WLS: variants seen among roughly 807,000 people sequenced by gnomAD.
WLS encodes the protein Wnt ligand secretion mediator, also known as protein wntless homolog.
A neutral mutation model predicts 62.8 loss-of-function variants in WLS; 23 were observed. The observed-to-expected ratio is 0.37, with a 90% CI of 0.26 to 0.52. WLS has a LOEUF of 0.52. Ranked by LOEUF, WLS falls within the 20% of genes least tolerant of loss-of-function variation. The pLI is 0.92. For synonymous variants in WLS, 246 were observed against 244.1 expected, an observed-to-expected ratio of 1.01 and a Z score of -0.07; for missense variants, 615 against 697.3, an observed-to-expected ratio of 0.88 and a Z score of 1.33.
At chr1:68,211,656 G>A (rs1426795538) in intron 1 of WLS, among the ~76,000 whole-genome samples, 1 of 152,198 alleles carries the variant, frequency 6.6e-6, no homozygotes, top group Admixed American at 6.5e-5. Flanking sequence ...AGTGCAAAGT[G>A]ACTGAATCCT....
chr1:68,114,901 C>T (rs770612454), intron 11 of WLS, among the ~76,000 whole-genome samples: 68 of 152,282 alleles, frequency 4.5e-4, no homozygotes, highest in Middle Eastern at 6.8e-3. Flanking sequence ...GCTGGAGTGA[C>T]CTCAGTGGTA....
intron 2 of WLS, among the ~76,000 whole-genome samples, chr1:68,191,573 G>A (rs867392915): frequency 2.0e-5 from 3 of 152,046 alleles, no homozygotes; most frequent in Non-Finnish European, 4.4e-5. Flanking sequence ...TCCCTAACCC[G>A]TTACAAGAAT....
chr1:68,123,753 T>TAA (rs1646391195), downstream of WLS, among the ~76,000 whole-genome samples: 1 of 152,148 alleles, frequency 6.6e-6, no homozygotes, highest in African/African-American at 2.4e-5. Flanking sequence ...GCCACCTGCC[T>TAA]AAGACTCCTG....
At chr1:68,206,941 C>G (rs4655787) in intron 1 of WLS, among the ~76,000 whole-genome samples, 1 of 151,932 alleles carries the variant, frequency 6.6e-6, no homozygotes, top group Non-Finnish European at 1.5e-5. Context: ...CCCTCCTCCC[C>G]CTCCTTGTCC....
At chr1:68,184,011 C>T (rs1302513165) in intron 2 of WLS, among the ~76,000 whole-genome samples, 5 of 152,116 alleles carry the variant, frequency 3.3e-5, no homozygotes, top group East Asian at 1.9e-4. Context: ...GCTTTCATTA[C>T]GTAAGAATAG....
At chr1:68,148,480 C>T (rs1264537117) in intron 7 of WLS, 83 bp downstream of exon 7, 1 of 1,442,930 alleles carries the variant, frequency 6.9e-7, no homozygotes, top group Non-Finnish European at 9.6e-7. Context: ...CACCATTCTC[C>T]TTTTCAAACA....
chr1:68,224,779 G>A (rs71649061), intron 1 of WLS, among the ~76,000 whole-genome samples: 5,202 of 152,076 alleles, frequency 0.034, 111 homozygotes, highest in Non-Finnish European at 0.041. Context: ...CGAAAAGGTG[G>A]GGGGGATTGA....
At chr1:68,224,586 T>C (rs992407869) in intron 1 of WLS, among the ~76,000 whole-genome samples, 2 of 152,230 alleles carry the variant, frequency 1.3e-5, no homozygotes, top group Admixed American at 1.3e-4. Flanking sequence ...TGTTGGCATG[T>C]AATTTCTGAG....
At chr1:68,183,252 C>T (rs865999696) in intron 2 of WLS, among the ~76,000 whole-genome samples, 1 of 151,966 alleles carries the variant, frequency 6.6e-6, no homozygotes, top group Non-Finnish European at 1.5e-5. Flanking sequence ...AAGACATGGT[C>T]GTAAATGAAA....
At chr1:68,137,996 A>G (rs1050016932) in intron 10 of WLS, 63 bp from the exon 11 acceptor site, 7 of 1,591,136 alleles carry the variant, frequency 4.4e-6, no homozygotes, top group Non-Finnish European at 6.0e-6. Context: ...ACATAACACC[A>G]ATAAAGGAAC....
intron 10 of WLS, among the ~76,000 whole-genome samples, chr1:68,140,096 T>C (rs1281531616): frequency 2.0e-5 from 3 of 152,214 alleles, no homozygotes; most frequent in Non-Finnish European, 4.4e-5. Context: ...ACTAAATCCT[T>C]TTACATGAAA....
chr1:68,147,496 A>T (rs1393667731), intron 8 of WLS, among the ~76,000 whole-genome samples: 1 of 152,194 alleles, frequency 6.6e-6, no homozygotes, highest in Non-Finnish European at 1.5e-5. Context: ...TCCACTCCAG[A>T]GCAGAGTCTT....
At position 68,106,671 on chromosome 1, in the gene WLS, C is replaced by T. The variant is rs1261168223; in HGVS notation, c.1511-7918G>A. On this transcript the variant is annotated intron_variant, in intron 11 of 11. Coordinates refer to the WLS transcript ENST00000354777. ...TGCATAGACAGACTGCTTCCCACTTCCCCACCCAAGGGGCACCTGGAAACG... is the reference window on the plus strand; with the variant it reads ...TGCATAGACAGACTGCTTCCCACTTTCCCACCCAAGGGGCACCTGGAAACG... 3.3e-5 allele frequency among the ~76,000 whole-genome samples: 5 copies of T among 152,124 alleles called. 1 individual carries two copies. Among genetic ancestry groups the T allele is most frequent in the Admixed American group, 3.3e-4 (5 of 15,286 alleles).
chr1:68,122,458 AC>A (rs1646375264), downstream of WLS, among the ~76,000 whole-genome samples: 1 of 152,252 alleles, frequency 6.6e-6, no homozygotes, highest in South Asian at 2.1e-4. Context: ...TAGGAACAAT[AC>A]ATAGTGAAAA....
chr1:68,114,845 G>C lies in WLS; in HGVS notation c.1511-16092C>G, dbSNP rs58002400. Among the ~76,000 whole-genome samples, 1,160 of 152,224 alleles carry C rather than the reference G, an allele frequency of 7.6e-3. 14 individuals carry two copies. Among genetic ancestry groups the C allele is most frequent in the African/African-American group, 0.027 (1,117 of 41,454 alleles). On this transcript the variant is annotated intron_variant, in intron 11 of 11. Coordinates refer to the WLS transcript ENST00000354777. ...AAAGCAAGAACAGAGAACCCCCTCTGGGGGTGCCACTTAGGTGTGAAGCAG... is the reference window on the plus strand; with the variant it reads ...AAAGCAAGAACAGAGAACCCCCTCTCGGGGTGCCACTTAGGTGTGAAGCAG...
chr1:68,201,884 C>G (rs114848618), intron 1 of WLS: 3 of 152,166 alleles, frequency 2.0e-5, no homozygotes, highest in Admixed American at 2.0e-4. Context: ...GACATTTTGA[C>G]AGCAATTTTC....
At chr1:68,231,663 C>G (rs1245138778) in intron 1 of WLS, 1 of 450,108 alleles carries the variant, frequency 2.2e-6, no homozygotes, top group African/African-American at 2.0e-5. Flanking sequence ...AAATTGCAAA[C>G]CCTCAGCCCC....
chr1:68,113,609 G>A (rs567424105), intron 11 of WLS, among the ~76,000 whole-genome samples: 22 of 152,282 alleles, frequency 1.4e-4, no homozygotes, highest in Non-Finnish European at 2.4e-4. Flanking sequence ...GGTAGGGGAC[G>A]TGGCAGACAC....
chr1:68,198,867 T>G (rs1302479067), intron 1 of WLS, among the ~76,000 whole-genome samples: 1 of 152,212 alleles, frequency 6.6e-6, no homozygotes, highest in Non-Finnish European at 1.5e-5. Context: ...AAAATGTAAG[T>G]GAACAATGAC....
Sources: gnomAD v4.1 joint callset for allele counts (sites outside exome capture counted in the v4.1 genomes callset) on GRCh38, gnomAD v4.1.1 for gene constraint, MANE v1.5 for transcripts, NCBI Gene and HGNC (gene_info 2026-07-23, HGNC 2026-07-21) for gene names.